ABI3: variants seen among roughly 807,000 people sequenced by gnomAD.
The protein encoded by ABI3 is ABI gene family member 3.
ABI3 carries 24 observed loss-of-function variants against 37.0 expected under a neutral mutation model. That is an observed-to-expected ratio of 0.65 (90% confidence interval 0.47 to 0.91). ABI3 has a LOEUF of 0.91. ABI3 is among the 40% of genes least tolerant of loss of function. The pLI is 0.00. For missense variants in ABI3, 481 were observed against 485.1 expected, an observed-to-expected ratio of 0.99 and a Z score of 0.08; for synonymous variants, 220 against 211.8, an observed-to-expected ratio of 1.04 and a Z score of -0.34.
chr17:49,220,009 G>A, intron 5 of ABI3, 56 bp downstream of exon 5: 1 of 1,527,770 alleles, frequency 6.5e-7, no homozygotes, highest in Non-Finnish European at 8.8e-7. Flanking sequence ...CTTTTGAGAG[G>A]GGCCACCTGC....
At chr17:49,217,983 A>G in intron 3 of ABI3, 68 bp downstream of exon 3, 1 of 1,432,492 alleles carries the variant, frequency 7.0e-7, no homozygotes, top group Non-Finnish European at 9.2e-7. Context: ...CTTTCCCTCC[A>G]GAACCCCAGT....
chr17:49,219,999 C>T lies in ABI3; in HGVS notation c.644+46C>T. 6.5e-7 allele frequency: 1 copy of T among 1,529,562 alleles called. No individual in the cohort carries two copies. Among genetic ancestry groups the T allele is most frequent in the Non-Finnish European group, 8.8e-7 (1 of 1,138,754 alleles). 94.7% of individuals were successfully genotyped at this position (1,529,562 alleles called of 1,614,324 possible). On this transcript the variant is annotated intron_variant, in intron 5 of 7. Coordinates refer to ENST00000225941, the MANE Select transcript of ABI3 (RefSeq NM_016428.3). This position sits in a 1 kb window ranked among gnomAD's most constrained non-coding sequence, Gnocchi z 4.3. ...TGGGTGGGTGGGGGGTGGGAAGTGGCTTTTGAGAGGGGCCACCTGCCAGTG... is the reference window on the plus strand; with the variant it reads ...TGGGTGGGTGGGGGGTGGGAAGTGGTTTTTGAGAGGGGCCACCTGCCAGTG...
In ABI3 at chr17:49,222,629, C is replaced by G. The variant is rs769138770; in HGVS notation, c.1015C>G (p.Arg339Gly). Reference protein sequence around the residue: ...FSEGTVICVTRRYSDGWCEGV... With the variant: ...FSEGTVICVTGRYSDGWCEGV... ...TGAGGGCACTGTCATCTGTGTCACT[C>G]GCCGCTACTCCGATGGCTGGTGCGA... is the stretch of plus-strand genomic sequence containing the variant. The change falls in exon 8 of 8, where the codon CGC becomes GGC. Residue 339 changes from arginine to glycine, a missense_variant. Arg to Gly is a moderately radical substitution (Grantham distance 125, BLOSUM62 -2). Coordinates refer to ENST00000225941, the MANE Select transcript of ABI3 (RefSeq NM_016428.3). 6.2e-7 allele frequency: 1 copy of G among 1,613,946 alleles called. No individual in the cohort carries two copies. The highest frequency in any genetic ancestry group is 1.7e-5 in the Admixed American group (1 of 60,006).
intron 2 of ABI3, among the ~76,000 whole-genome samples, chr17:49,217,459 G>A (rs1368769810): frequency 6.6e-6 from 1 of 152,080 alleles, no homozygotes; most frequent in Non-Finnish European, 1.5e-5. Context: ...GCATCCCTAG[G>A]GATGTTGTGT....
At position 49,219,594 on chromosome 17, in the gene ABI3, G is replaced by T. The variant is rs777157463; in HGVS notation, c.517G>T (p.Ala173Ser). Reference protein sequence around the residue: ...TGTLSRKSIKAPATPASATLG... With the variant: ...TGTLSRKSIKSPATPASATLG... ...CACCCTGTCTCGAAAGAGCATCAAG[G>T]CCCCTGCCACACCCGCCTCCGCCAC... The change falls in exon 4 of 8, where the codon GCC becomes TCC. Residue 173 changes from alanine to serine, a missense_variant. Physicochemically the swap from Ala to Ser is moderately conservative, Grantham distance 99. Transcript: ENST00000225941. The surrounding 1 kb of genome is among the most constrained non-coding windows in gnomAD (Gnocchi z 4.3). 2 of 1,593,514 alleles carry T rather than the reference G, an allele frequency of 1.3e-6. No individual in the cohort carries two copies. Among genetic ancestry groups the T allele is most frequent in the South Asian group, 2.2e-5 (2 of 88,906 alleles).
chr17:49,213,372 C>A (rs1220817338), intron 1 of ABI3, among the ~76,000 whole-genome samples: 1 of 152,198 alleles, frequency 6.6e-6, no homozygotes, highest in Non-Finnish European at 1.5e-5. Flanking sequence ...GTTACCTTTC[C>A]TGGCCTTTCT....
At chr17:49,221,395 C>T (rs975981647) in intron 6 of ABI3, among the ~76,000 whole-genome samples, 54 of 151,534 alleles carry the variant, frequency 3.6e-4, no homozygotes, top group African/African-American at 1.3e-3. Context: ...GGCGTGAACC[C>T]GGGAGGTGGG....
At chr17:49,215,010 A>G (rs928068358) in intron 1 of ABI3, among the ~76,000 whole-genome samples, 4 of 152,350 alleles carry the variant, frequency 2.6e-5, no homozygotes, top group East Asian at 3.9e-4. Context: ...AAAAAAATAC[A>G]TAGAGAATGT....
At chr17:49,221,857 T>TA (rs1272052415) in intron 6 of ABI3, among the ~76,000 whole-genome samples, 1 of 152,158 alleles carries the variant, frequency 6.6e-6, no homozygotes, top group Non-Finnish European at 1.5e-5. Flanking sequence ...TAGCTGGAAT[T>TA]ACAGGCGTGT....
Position 49,217,801 on chromosome 17 carries a change from G to A in ABI3, c.348G>A (p.Gln116=). The change falls in exon 3 of 8, where the codon CAG becomes CAA. Residue 116 remains glutamine (Q), a synonymous_variant. Coordinates refer to ENST00000225941, the MANE Select transcript of ABI3 (RefSeq NM_016428.3). ...AGATCGGCACCTTAGCCACTGTCCAGCGGCTGCCCCCCGGCCAGAAGGTCA... is the reference window on the plus strand; with the variant it reads ...AGATCGGCACCTTAGCCACTGTCCAACGGCTGCCCCCCGGCCAGAAGGTCA... ...RREIGTLATV[Q]RLPPGQKVIA... The A allele has an allele frequency of 6.2e-7, 1 of 1,611,628 alleles. No individual in the cohort carries two copies.
rs760086794 is a variant in ABI3, at chr17:49,219,846, GC to G, written c.549-6del. On this transcript the variant is annotated splice_polypyrimidine_tract_variant and intron_variant, in intron 4 of 7. Coordinates refer to ENST00000225941, the MANE Select transcript of ABI3 (RefSeq NM_016428.3). This position sits in a 1 kb window ranked among gnomAD's most constrained non-coding sequence, Gnocchi z 4.3. ...TCCTTCCTCCTAATACCCACTCCCTGCCCCCCGCCAGGAGACCACCCCGGAT... is the reference window on the plus strand; with the variant it reads ...TCCTTCCTCCTAATACCCACTCCCTGCCCCCGCCAGGAGACCACCCCGGAT... 7.1e-5 allele frequency: 109 copies of G among 1,539,334 alleles called. No homozygotes were observed. In the African/African-American group the frequency reaches 1.4e-3, roughly 19 times the overall value.
At chr17:49,220,425 A>G in intron 6 of ABI3, 99 bp downstream of exon 6, 1 of 1,431,366 alleles carries the variant, frequency 7.0e-7, no homozygotes, top group East Asian at 2.5e-5. Flanking sequence ...GGCCAGCCTC[A>G]GTGAATGCCT....
Position 49,210,804 on chromosome 17 carries a change from T to C in ABI3, c.80T>C (p.Leu27Pro), listed in dbSNP as rs1191889112. 1.3e-6 allele frequency: 2 copies of C among 1,555,988 alleles called. No homozygotes were observed. Among genetic ancestry groups the C allele is most frequent in the Non-Finnish European group, 8.7e-7 (1 of 1,149,108 alleles). ...EALRGNHSAL[L>P]RVADYCEDNY... is the part of the protein sequence containing the mutation. ...CTGAGGGGCAACCACAGTGCCCTGC[T>C]GCGGGTCGCTGACTACTGCGAGGAC... The change falls in exon 1 of 8, where the codon CTG becomes CCG. Residue 27 changes from leucine (L) to proline (P), a missense_variant. Transcript: ENST00000225941. This position sits in a 1 kb window ranked among gnomAD's most constrained non-coding sequence, Gnocchi z 4.2.
At chr17:49,218,438 A>G (rs921211792) in intron 3 of ABI3, among the ~76,000 whole-genome samples, 1 of 151,958 alleles carries the variant, frequency 6.6e-6, no homozygotes, top group Non-Finnish European at 1.5e-5. Context: ...AAGGGCACGC[A>G]CTCACACCCG....
chr17:49,220,159 T>C lies in ABI3; in HGVS notation c.645-10T>C, dbSNP rs201222048. 8 of 1,611,660 alleles carry C rather than the reference T, an allele frequency of 5.0e-6. No individual in the cohort carries two copies. In the African/African-American group the frequency reaches 1.1e-4, roughly 21 times the overall value. ...AGGCGTGTCCGCCAACCGGGCTCTC[T>C]GGTGTTCAGCAGCGCCGAAGGTGTC... On this transcript the variant is annotated splice_polypyrimidine_tract_variant and intron_variant, in intron 5 of 7. Coordinates refer to ENST00000225941, the MANE Select transcript of ABI3 (RefSeq NM_016428.3).
chr17:49,222,578 CAGA>C lies in ABI3; in HGVS notation c.967_969del (p.Lys323del), dbSNP rs779038417. 2.9e-5 allele frequency: 47 copies of C among 1,614,036 alleles called. No homozygotes were observed. Among genetic ancestry groups the C allele is most frequent in the Non-Finnish European group, 3.8e-5 (45 of 1,180,032 alleles). On this transcript the variant is annotated inframe_deletion, in exon 8 of 8. Transcript: ENST00000225941. ...GGTGACACTGTACCCATACACCAGC[CAGA>C]AGGACAATGAGCTCTCCTTCTCTGA...
At position 49,219,453 on chromosome 17, in the gene ABI3, C is replaced by A. The variant is rs2043255249; in HGVS notation, c.463-87C>A. ...CCGGGCTCTCCCTCCCGGTTCCCGTCCGCCCCTCCTCCATTTCCTCTTGGG... is the reference window on the plus strand; with the variant it reads ...CCGGGCTCTCCCTCCCGGTTCCCGTACGCCCCTCCTCCATTTCCTCTTGGG... On this transcript the variant is annotated intron_variant, in intron 3 of 7. Transcript: ENST00000225941. This position sits in a 1 kb window ranked among gnomAD's most constrained non-coding sequence, Gnocchi z 4.3. 2 of 1,212,806 alleles carry A rather than the reference C, an allele frequency of 1.6e-6. No homozygotes were observed. The highest frequency in any genetic ancestry group is 2.3e-6 in the Non-Finnish European group (2 of 860,486). 75.1% of individuals were successfully genotyped at this position (1,212,806 alleles called of 1,614,324 possible).
intron 2 of ABI3, among the ~76,000 whole-genome samples, chr17:49,217,231 C>A (rs982361767): frequency 6.6e-6 from 1 of 152,162 alleles, no homozygotes; most frequent in Non-Finnish European, 1.5e-5. Context: ...CTGTACATCA[C>A]CCACATGTTC....
intron 1 of ABI3, among the ~76,000 whole-genome samples, chr17:49,214,041 C>G (rs1024866950): frequency 4.6e-5 from 7 of 152,196 alleles, no homozygotes; most frequent in Non-Finnish European, 1.0e-4. Flanking sequence ...CATCTCTTTC[C>G]TGCTGTTGGA....
Sources: allele counts gnomAD v4.1 joint callset (sites outside exome capture counted in the v4.1 genomes callset), GRCh38; gene constraint gnomAD v4.1.1; non-coding constraint Gnocchi (gnomAD v3.1); transcripts MANE v1.5; gene names NCBI Gene and HGNC (gene_info 2026-07-23, HGNC 2026-07-21).